The following SYNE1 variants were observed in gnomAD, a reference collection of about 807,000 sequenced individuals.
SYNE1 encodes nesprin-1.
Under a neutral mutation model 1,111.0 loss-of-function variants are expected in SYNE1, and 616 were observed. That is an observed-to-expected ratio of 0.55 (90% CI 0.52 to 0.59). The LOEUF (loss-of-function observed/expected upper bound fraction) is 0.59, where lower values mean the gene tolerates loss of function less well. Among genes scored for constraint, SYNE1 ranks in the 20% least tolerant of loss-of-function variants. SYNE1 has a pLI of 0.00. For missense variants in SYNE1, 10,006 were observed against 10,417.0 expected, an observed-to-expected ratio of 0.96 and a Z score of 1.72; for synonymous variants, 3,855 against 3,825.8, an observed-to-expected ratio of 1.01 and a Z score of -0.28.
In SYNE1 at chr6:152,471,774, A is replaced by G. The variant is rs757728476; in HGVS notation, c.1464-9T>C. 1.7e-5 allele frequency: 27 copies of G among 1,612,780 alleles called. No homozygotes were observed. The highest frequency in any genetic ancestry group is 2.0e-5 in the Non-Finnish European group (23 of 1,179,166). ...AGGAAACAAAATGAAACCTAGAAAT[A>G]AAACAGGGAGAATTTATAGAATGTA... On this transcript the variant is annotated splice_polypyrimidine_tract_variant and intron_variant, in intron 15 of 145. Transcript: ENST00000367255.
chr6:152,537,835 A>G (rs1258153922), intron 4 of SYNE1, among the ~76,000 whole-genome samples: 3 of 152,204 alleles, frequency 2.0e-5, no homozygotes, highest in African/African-American at 7.2e-5. Flanking sequence ...GAACTTTAGG[A>G]GAAAAGGATC....
Position 152,230,618 on chromosome 6 carries a change from C to T in SYNE1, c.21124G>A (p.Glu7042Lys). The change falls in exon 115 of 146, where the codon GAA (glutamate) becomes AAA (lysine). Residue 7042 changes from glutamate to lysine, a missense_variant. By Grantham distance (56) the Glu-to-Lys change is moderately conservative. This residue lies in a region of SYNE1 where 2,182 missense variants were observed against 2,287.8 expected (regional missense o/e 0.95). Coordinates refer to ENST00000367255, the MANE Select transcript of SYNE1 (RefSeq NM_182961.4). ...QCLKTWFETQ[E>K]KRLKQQHRIG... ...CGATGCTGTTGTTTTAGTCTCTTTT[C>T]CTGGGTTTCAAACCATGTTTTCAGA... 2.5e-6 allele frequency: 4 copies of T among 1,614,042 alleles called. No homozygotes were observed. Among genetic ancestry groups the T allele is most frequent in the Non-Finnish European group, 3.4e-6 (4 of 1,179,956 alleles).
chr6:152,359,526 C>G, intron 64 of SYNE1, 68 bp from the exon 65 acceptor site: 1 of 1,595,650 alleles, frequency 6.3e-7, no homozygotes, highest in South Asian at 1.1e-5. Context: ...CTGCTAAAAT[C>G]AAGATATTTT....
intron 139 of SYNE1, 105 bp from the exon 140 acceptor site, chr6:152,140,266 G>C: frequency 8.9e-7 from 1 of 1,126,702 alleles, no homozygotes; most frequent in Non-Finnish European, 1.3e-6. Flanking sequence ...GCAACAGAAA[G>C]AAAAGTAATT....
Position 152,326,198 on chromosome 6 carries a change from A to C in SYNE1, c.15294-96T>G, listed in dbSNP as rs562710550. On this transcript the variant is annotated intron_variant, in intron 79 of 145. Coordinates refer to ENST00000367255, the MANE Select transcript of SYNE1 (RefSeq NM_182961.4). ...GTATGTCTAATGATACTCAGGGAAA[A>C]ATGAATTTACGTGCTAATGTATATC... is the stretch of plus-strand genomic sequence containing the variant. The C allele has an allele frequency of 1.2e-5, 20 of 1,612,518 alleles. No homozygotes were observed. In the African/African-American group the frequency reaches 2.3e-4, roughly 18 times the overall value.
chr6:152,449,544 G>A lies in SYNE1; in HGVS notation c.3493C>T (p.Arg1165Cys), dbSNP rs777507702. 2.2e-5 allele frequency: 36 copies of A among 1,613,452 alleles called. No homozygotes were observed. Among genetic ancestry groups the A allele is most frequent in the Non-Finnish European group, 1.2e-5 (14 of 1,179,590 alleles). Residue 1165 changes from arginine to cysteine, a missense_variant, in exon 28 of 146, where the codon CGT becomes TGT. Coordinates refer to ENST00000367255, the MANE Select transcript of SYNE1 (RefSeq NM_182961.4). The part of the protein sequence containing the change: ...IDTANHGEVK[R>C]AVEEIRNGVT... ...GACCCTGAACTTACTTCAACGGCACGTTTAACCTCTCCGTGGTTGGCAGTA... is the reference window on the plus strand; with the variant it reads ...GACCCTGAACTTACTTCAACGGCACATTTAACCTCTCCGTGGTTGGCAGTA...
At chr6:152,403,429 A>C (rs2097850335) in intron 46 of SYNE1, among the ~76,000 whole-genome samples, 2 of 152,176 alleles carry the variant, frequency 1.3e-5, no homozygotes, top group African/African-American at 4.8e-5. Flanking sequence ...ATTCATAAGA[A>C]GGGTTTCTAG....
intron 2 of SYNE1, among the ~76,000 whole-genome samples, chr6:152,631,726 G>A (rs2099698274): frequency 6.6e-6 from 1 of 152,150 alleles, no homozygotes; most frequent in South Asian, 2.1e-4. Flanking sequence ...TCACCCAGGG[G>A]TGGAGGTGGG....
chr6:152,380,090 A>G (rs2097375595), intron 56 of SYNE1, among the ~76,000 whole-genome samples: 1 of 152,228 alleles, frequency 6.6e-6, no homozygotes, highest in African/African-American at 2.4e-5. Flanking sequence ...CCCCAAACCT[A>G]GAATCATTAT....
At chr6:152,352,377 CA>C in intron 69 of SYNE1, 24 bp from the exon 70 acceptor site, 1 of 1,604,440 alleles carries the variant, frequency 6.2e-7, no homozygotes, top group Non-Finnish European at 8.5e-7. Context: ...TGAGTAGGAG[CA>C]AAGGTAGTCT....
At chr6:152,283,879 G>T in intron 96 of SYNE1, 99 bp downstream of exon 96, 1 of 1,018,668 alleles carries the variant, frequency 9.8e-7, no homozygotes. Flanking sequence ...GGAGAGGGAA[G>T]CAATGAAAAT....
In SYNE1 at chr6:152,189,416, A is replaced by G; in HGVS notation, c.23146-9T>C. ...ACTGCATTTTCTAATTCCTAAATAA[A>G]AAAACAAACTTGAATACCCACGGAC... is the stretch of plus-strand genomic sequence containing the variant. On this transcript the variant is annotated splice_polypyrimidine_tract_variant and intron_variant, in intron 127 of 145. Coordinates refer to ENST00000367255, the MANE Select transcript of SYNE1 (RefSeq NM_182961.4). 5 of 1,613,856 alleles carry G rather than the reference A, an allele frequency of 3.1e-6. No homozygotes were observed. Among genetic ancestry groups the G allele is most frequent in the African/African-American group, 1.3e-5 (1 of 75,026 alleles).
intron 75 of SYNE1, 128 bp from the exon 76 acceptor site, chr6:152,337,145 A>G: frequency 1.2e-6 from 1 of 812,952 alleles, no homozygotes; most frequent in Admixed American, 2.7e-5. Context: ...GCAAACTCAC[A>G]CACACAAATA....
chr6:152,261,625 G>C (rs2092006041), intron 101 of SYNE1, among the ~76,000 whole-genome samples: 3 of 152,180 alleles, frequency 2.0e-5, no homozygotes, highest in Non-Finnish European at 4.4e-5. Flanking sequence ...TACTGGAAGT[G>C]GCAATGGAAA....
intron 133 of SYNE1, among the ~76,000 whole-genome samples, chr6:152,153,678 C>G (rs1468479365): frequency 6.6e-6 from 1 of 152,196 alleles, no homozygotes; most frequent in Non-Finnish European, 1.5e-5. Flanking sequence ...GACCTGGAAT[C>G]TACTGCAGAG....
In SYNE1 at chr6:152,365,035, C is replaced by G. The variant is rs1200216933; in HGVS notation, c.9973-16G>C. The G allele has an allele frequency of 2.5e-6, 4 of 1,614,070 alleles. No homozygotes were observed. In the Admixed American group the frequency reaches 5.0e-5, roughly 20 times the overall value. On this transcript the variant is annotated splice_polypyrimidine_tract_variant and intron_variant, in intron 62 of 145. Coordinates refer to ENST00000367255, the MANE Select transcript of SYNE1 (RefSeq NM_182961.4). Reference sequence around the variant, plus strand: ...ATAATAGAGCCTGTGAAAACACATACAGAAGTCCTTTGTCATTTGTATGTT... The same window carrying G: ...ATAATAGAGCCTGTGAAAACACATAGAGAAGTCCTTTGTCATTTGTATGTT...
At chr6:152,396,671 T>C in intron 50 of SYNE1, 104 bp downstream of exon 50, 2 of 1,090,404 alleles carry the variant, frequency 1.8e-6, no homozygotes, top group Non-Finnish European at 2.8e-6. Context: ...TAATTTAAAC[T>C]CACAGTGTCA....
chr6:152,395,707 A>G, intron 50 of SYNE1, 36 bp from the exon 51 acceptor site: 3 of 1,609,780 alleles, frequency 1.9e-6, no homozygotes, highest in South Asian at 1.1e-5. Flanking sequence ...AAATTCTTAC[A>G]TGCTTGTTAT....
intron 74 of SYNE1, among the ~76,000 whole-genome samples, chr6:152,342,664 G>A (rs929937178): frequency 6.6e-6 from 1 of 152,088 alleles, no homozygotes; most frequent in Non-Finnish European, 1.5e-5. Flanking sequence ...TTCGTATCTG[G>A]CAGCAATAAC....
Sources: allele counts gnomAD v4.1 joint callset (sites outside exome capture counted in the v4.1 genomes callset), GRCh38; gene constraint gnomAD v4.1.1; regional missense constraint gnomAD v4.1.1; transcripts MANE v1.5; gene names NCBI Gene and HGNC (gene_info 2026-07-23, HGNC 2026-07-21).